Variants in CNTRL observed in about 807,000 individuals in gnomAD.
The protein encoded by CNTRL is 110 kDa centrosomal protein.
In CNTRL, 233 loss-of-function variants were observed where a neutral mutation model predicts 303.7. That is an observed-to-expected ratio of 0.77 (90% CI 0.69 to 0.86). The LOEUF (loss-of-function observed/expected upper bound fraction) is 0.86. Ranked by LOEUF, CNTRL falls within the 40% of genes least tolerant of loss-of-function variation. The pLI is 0.00. For synonymous variants in CNTRL, 900 were observed against 922.2 expected (o/e 0.98, Z 0.44); for missense variants, 2,524 against 2,650.6 (o/e 0.95, Z 1.05).
chr9:121,168,269 G>A lies in CNTRL; in HGVS notation c.6018G>A (p.Leu2006=). ...CAGCTGAAGAGCGTGTTAGGACTCTGCAGGAAGAGGAGAGGTGGTGTGAGA... is the reference window on the plus strand; with the variant it reads ...CAGCTGAAGAGCGTGTTAGGACTCTACAGGAAGAGGAGAGGTGGTGTGAGA... ...VLAAEERVRT[L]QEEERWCESL... The change falls in exon 38 of 44, where the codon CTG becomes CTA. Residue 2006 remains leucine, a synonymous_variant. Coordinates refer to ENST00000373855, the MANE Select transcript of CNTRL (RefSeq NM_007018.6). 6.2e-7 allele frequency: 1 copy of A among 1,614,160 alleles called. No homozygotes were observed. Among genetic ancestry groups the A allele is most frequent in the Admixed American group, 1.7e-5 (1 of 60,026 alleles).
intron 3 of CNTRL, among the ~76,000 whole-genome samples, chr9:121,089,741 T>C (rs2048482917): frequency 6.6e-6 from 1 of 152,208 alleles, no homozygotes; most frequent in Non-Finnish European, 1.5e-5. Context: ...AAACTTCATA[T>C]AGTTAAAAGT....
chr9:121,163,787 CA>C lies in CNTRL; in HGVS notation c.5424-1153del, dbSNP rs2052965310. Among the ~76,000 whole-genome samples the C allele has an allele frequency of 2.0e-5, 3 of 150,846 alleles. No homozygotes were observed. In the South Asian group the frequency reaches 6.3e-4, roughly 32 times the overall value. ...AGGATAATTAATCATTAGAGAAATG[CA>C]AATTAAAACCACAGTGAGATATCAC... On this transcript the variant is annotated intron_variant, in intron 34 of 43. Transcript: ENST00000373855.
Position 121,160,172 on chromosome 9 carries a change from T to C in CNTRL, c.4959T>C (p.Ser1653=). 1 of 1,514,538 alleles carries C rather than the reference T, an allele frequency of 6.6e-7. No homozygotes were observed. The highest frequency in any genetic ancestry group is 8.8e-7 in the Non-Finnish European group (1 of 1,137,894). 93.8% of individuals were successfully genotyped at this position (1,514,538 alleles called of 1,614,324 possible). A position where few individuals can be genotyped will look rare whatever the true frequency, so the allele number is the denominator to read the frequency against. Residue 1653 remains serine (S), a synonymous_variant, in exon 32 of 44, where the codon AGT becomes AGC. Transcript: ENST00000373855. ...TAAAATCTCTTCTGGAAGAACTGAG[T>C]TTTCAGAAAGGAGAACTAAATGTTC... is the stretch of plus-strand genomic sequence containing the variant. ...REVKSLLEEL[S]FQKGELNVQI...
chr9:121,118,447 G>A lies in CNTRL; in HGVS notation c.1557G>A (p.Met519Ile), dbSNP rs2050080199. 3 of 1,613,094 alleles carry A rather than the reference G, an allele frequency of 1.9e-6. No homozygotes were observed. Among genetic ancestry groups the A allele is most frequent in the Non-Finnish European group, 2.5e-6 (3 of 1,179,472 alleles). ...AAGCTCTGGATCTAGAACTGCAGAT[G>A]GAAAAGCAAAAGCAGGAAATTGCCG... ...RQEALDLELQ[M>I]EKQKQEIAGK... The change falls in exon 12 of 44, where the codon ATG becomes ATA. Residue 519 changes from methionine to isoleucine, a missense_variant. Met to Ile is a conservative substitution (Grantham distance 10, BLOSUM62 1). Coordinates refer to ENST00000373855, the MANE Select transcript of CNTRL (RefSeq NM_007018.6).
chr9:121,103,711 C>G (rs961279584), intron 7 of CNTRL, among the ~76,000 whole-genome samples: 1 of 152,136 alleles, frequency 6.6e-6, no homozygotes. Flanking sequence ...AAAAAAGCAG[C>G]CCCATCAAAA....
chr9:121,135,561 G>C (rs756748695), intron 14 of CNTRL, among the ~76,000 whole-genome samples: 97 of 152,028 alleles, frequency 6.4e-4, no homozygotes, highest in Non-Finnish European at 3.4e-4. Flanking sequence ...TCACAGAACT[G>C]GTCCCTTTGA....
intron 12 of CNTRL, among the ~76,000 whole-genome samples, chr9:121,122,737 T>A (rs1232868769): frequency 6.6e-6 from 1 of 152,178 alleles, no homozygotes; most frequent in South Asian, 2.1e-4. Context: ...GACTAGATCA[T>A]TGGCTCTCGA....
rs571501552 is a variant in CNTRL, at chr9:121,126,183, T to C, written c.2025+247T>C. Among the ~76,000 whole-genome samples, 5 of 152,308 alleles carry C rather than the reference T, an allele frequency of 3.3e-5. No individual in the cohort carries two copies. The South Asian group carries it at 8.3e-4, about 25-fold the overall frequency. The stretch of plus-strand genomic sequence containing the variant: ...GCTGCATTTCTATCCCTGAAAGGTA[T>C]TGTTGCCAAATAACTCTAAAGAATA... On this transcript the variant is annotated intron_variant, in intron 14 of 43. Coordinates refer to ENST00000373855, the MANE Select transcript of CNTRL (RefSeq NM_007018.6).
chr9:121,133,658 C>T (rs1338992884), intron 14 of CNTRL, among the ~76,000 whole-genome samples: 1 of 152,232 alleles, frequency 6.6e-6, no homozygotes, highest in Non-Finnish European at 1.5e-5. Context: ...ATGGGCTGCA[C>T]CCACTGTCCA....
intron 2 of CNTRL, among the ~76,000 whole-genome samples, chr9:121,086,144 A>G (rs1408306185): frequency 6.6e-6 from 1 of 152,154 alleles, no homozygotes; most frequent in East Asian, 1.9e-4. Context: ...GAGAGGGATG[A>G]CTGGAAGATA....
intron 4 of CNTRL, among the ~76,000 whole-genome samples, chr9:121,093,564 A>G (rs1398684067): frequency 6.6e-6 from 1 of 152,232 alleles, no homozygotes; most frequent in Non-Finnish European, 1.5e-5. Flanking sequence ...GAATGAACAA[A>G]TGTAGACAAT....
intron 27 of CNTRL, 111 bp from the exon 28 acceptor site, chr9:121,157,359 A>T: frequency 9.3e-7 from 1 of 1,070,236 alleles, no homozygotes; most frequent in Non-Finnish European, 1.3e-6. Context: ...GGACATTTTT[A>T]TGTCTTTCTG....
intron 24 of CNTRL, among the ~76,000 whole-genome samples, chr9:121,149,273 C>T (rs1220824143): frequency 1.3e-5 from 2 of 152,186 alleles, no homozygotes; most frequent in Non-Finnish European, 2.9e-5. Context: ...AAGAGTCAGA[C>T]CTGAGTAAAT....
At chr9:121,106,589 TGA>T (rs762163574) in intron 7 of CNTRL, among the ~76,000 whole-genome samples, 1 of 151,782 alleles carries the variant, frequency 6.6e-6, no homozygotes, top group Non-Finnish European at 1.5e-5. Context: ...GATAATCAGG[TGA>T]GAGAGAAAAT....
At chr9:121,107,522 A>C (rs545169482) in intron 7 of CNTRL, among the ~76,000 whole-genome samples, 1 of 152,284 alleles carries the variant, frequency 6.6e-6, no homozygotes, top group South Asian at 2.1e-4. Flanking sequence ...CATGTTTTTC[A>C]AAGGTCACCT....
chr9:121,075,983 C>A (rs761437960), intron 1 of CNTRL, among the ~76,000 whole-genome samples: 3 of 152,194 alleles, frequency 2.0e-5, no homozygotes, highest in Admixed American at 6.5e-5. Flanking sequence ...TAATTCTGAT[C>A]CTATACAGCT....
At chr9:121,099,491 G>T (rs530850487) in intron 7 of CNTRL, among the ~76,000 whole-genome samples, 1 of 152,302 alleles carries the variant, frequency 6.6e-6, no homozygotes, top group East Asian at 1.9e-4. Context: ...AAATCAGAGC[G>T]CCTGTTCTCC....
chr9:121,168,384 C>T (rs1044604721), intron 38 of CNTRL, 63 bp downstream of exon 38: 3 of 1,468,352 alleles, frequency 2.0e-6, no homozygotes, highest in Non-Finnish European at 2.8e-6. Flanking sequence ...GGTTGTCTTG[C>T]AAAAGTATTT....
intron 12 of CNTRL, among the ~76,000 whole-genome samples, chr9:121,121,517 ATAAAAT>A (rs2050222139): frequency 6.6e-6 from 1 of 152,260 alleles, no homozygotes; most frequent in Non-Finnish European, 1.5e-5. Context: ...TATTTTAGTT[ATAAAAT>A]TATTCATAGA....
Sources: allele counts gnomAD v4.1 joint callset (sites outside exome capture counted in the v4.1 genomes callset), GRCh38; gene constraint gnomAD v4.1.1; transcripts MANE v1.5; gene names NCBI Gene and HGNC (gene_info 2026-07-23, HGNC 2026-07-21).